Variants in FGFR1OP2 observed in about 807,000 individuals in gnomAD.
The protein encoded by FGFR1OP2 is FGFR1 oncogene partner 2, also known as fibroblast growth factor receptor 1 oncogene partner 2.
Under a neutral mutation model 35.2 loss-of-function variants are expected in FGFR1OP2, and 17 were observed. The observed-to-expected ratio is 0.48, with a 90% CI of 0.33 to 0.73. The LOEUF is 0.73. Ranked by LOEUF, FGFR1OP2 falls within the 30% of genes least tolerant of loss-of-function variation. The pLI, the probability that FGFR1OP2 is intolerant of heterozygous loss-of-function variation, is 0.02. For missense variants in FGFR1OP2, 251 were observed against 307.3 expected, an observed-to-expected ratio of 0.82 and a Z score of 1.37; for synonymous variants, 105 against 104.6, an observed-to-expected ratio of 1.00 and a Z score of -0.03.
At chr12:26,963,552 G>A in intron 6 of FGFR1OP2, 97 bp downstream of exon 6, 2 of 758,750 alleles carry the variant, frequency 2.6e-6, no homozygotes, top group Non-Finnish European at 4.2e-6. Flanking sequence ...ACTCTTCTTG[G>A]GTACTGGTAA....
Position 26,956,595 on chromosome 12 carries a change from C to G in FGFR1OP2, c.188C>G (p.Ser63Cys), listed in dbSNP as rs1939024566. 1.9e-6 allele frequency: 3 copies of G among 1,605,184 alleles called. No individual in the cohort carries two copies. The highest frequency in any genetic ancestry group is 1.7e-5 in the Admixed American group (1 of 58,572). ...LNEVARHRPR[S>C]TLVMGIQQEN... is the part of the protein sequence containing the mutation. ...GAAGTCGCGAGACATCGGCCACGGT[C>G]CACGTTAGTTATGGGAATCCAGCAA... Residue 63 changes from serine (S) to cysteine (C), a missense_variant, in exon 3 of 7, where the codon TCC becomes TGC. Ser to Cys is a moderately radical substitution (Grantham distance 112). Coordinates refer to ENST00000229395, the MANE Select transcript of FGFR1OP2 (RefSeq NM_015633.3).
chr12:26,940,838 TTCG>T (rs1938723118), intron 1 of FGFR1OP2, among the ~76,000 whole-genome samples: 2 of 152,238 alleles, frequency 1.3e-5, no homozygotes, highest in African/African-American at 4.8e-5. Context: ...TGAAATTTTT[TTCG>T]TCTTTAATTT....
chr12:26,954,219 G>A lies in FGFR1OP2; in HGVS notation c.61G>A (p.Asp21Asn), dbSNP rs1283882418. Reference sequence around the variant, plus strand: ...TAAAGCTCTTGTTGAAAGATTAAGAGATCATGACGATGCAGCAGAATCTCT... The same window carrying A: ...TAAAGCTCTTGTTGAAAGATTAAGAAATCATGACGATGCAGCAGAATCTCT... ...DAKALVERLR[D>N]HDDAAESLIE... The change falls in exon 2 of 7, where the codon GAT (aspartate) becomes AAT (asparagine). Residue 21 changes from aspartate to asparagine, a missense_variant. Physicochemically the swap from Asp to Asn is conservative, Grantham distance 23. Coordinates refer to ENST00000229395, the MANE Select transcript of FGFR1OP2 (RefSeq NM_015633.3). 1 of 1,612,500 alleles carries A rather than the reference G, an allele frequency of 6.2e-7. No homozygotes were observed. Among genetic ancestry groups the A allele is most frequent in the East Asian group, 2.2e-5 (1 of 44,850 alleles).
chr12:26,964,422 G>T (rs368724524), intron 6 of FGFR1OP2, among the ~76,000 whole-genome samples, 174 bp from the exon 7 acceptor site: 1 of 152,126 alleles, frequency 6.6e-6, no homozygotes, highest in Admixed American at 6.6e-5. Flanking sequence ...AGCTGCATAA[G>T]TGTTCTTTAG....
chr12:26,965,457 A>G lies in FGFR1OP2; in HGVS notation c.*724A>G, dbSNP rs1939161752. 3 of 152,690 alleles carry G rather than the reference A, an allele frequency of 2.0e-5. No individual in the cohort carries two copies. The highest frequency in any genetic ancestry group is 1.5e-5 in the Non-Finnish European group (1 of 67,962). The allele number at this position is 152,690 out of a possible 1,614,324, so 9.5% of individuals were successfully genotyped here. A position where few individuals can be genotyped will look rare whatever the true frequency, so the allele number is the denominator to read the frequency against. On this transcript the variant is annotated 3_prime_UTR_variant, in exon 7 of 7. Coordinates refer to ENST00000229395, the MANE Select transcript of FGFR1OP2 (RefSeq NM_015633.3). ...TAGGTTAAACTACTCCTTTGAAAGA[A>G]TAAGTTTTGGTTCAAAGTCAATAAT...
intron 1 of FGFR1OP2, among the ~76,000 whole-genome samples, chr12:26,943,830 A>G (rs1019532010): frequency 6.6e-6 from 1 of 152,182 alleles, no homozygotes; most frequent in African/African-American, 2.4e-5. Context: ...TCTGTCTCAA[A>G]AAAAAGAAAA....
intron 1 of FGFR1OP2, among the ~76,000 whole-genome samples, chr12:26,952,982 G>T (rs899351692): frequency 1.3e-5 from 2 of 152,098 alleles, no homozygotes; most frequent in Non-Finnish European, 1.5e-5. Context: ...AAAGATTTCA[G>T]CTGGGCACGG....
intron 1 of FGFR1OP2, among the ~76,000 whole-genome samples, chr12:26,950,213 GTTTTTTT>G (rs1174799685): frequency 7.5e-4 from 38 of 50,948 alleles, no homozygotes; most frequent in African/African-American, 2.4e-3. Context: ...TGTATTCGTT[GTTTTTTT>G]TTTTTTTTTT....
intron 1 of FGFR1OP2, among the ~76,000 whole-genome samples, chr12:26,951,025 C>G (rs1187032662): frequency 1.3e-5 from 2 of 152,122 alleles, no homozygotes; most frequent in African/African-American, 4.8e-5. Context: ...ATTTACTATG[C>G]ATGGTAACAT....
intron 1 of FGFR1OP2, among the ~76,000 whole-genome samples, chr12:26,952,562 T>G (rs146464168): frequency 1.3e-5 from 2 of 152,332 alleles, no homozygotes; most frequent in Non-Finnish European, 2.9e-5. Flanking sequence ...TATTGGACAT[T>G]TTCTAAATTG....
At chr12:26,940,485 C>T (rs1938717445) in intron 1 of FGFR1OP2, among the ~76,000 whole-genome samples, 2 of 152,096 alleles carry the variant, frequency 1.3e-5, no homozygotes, top group African/African-American at 4.8e-5. Context: ...AATTTATATG[C>T]GTTCTTTCTT....
intron 6 of FGFR1OP2, among the ~76,000 whole-genome samples, chr12:26,964,042 A>T (rs1939139592): frequency 6.6e-6 from 1 of 152,134 alleles, no homozygotes; most frequent in Non-Finnish European, 1.5e-5. Context: ...AATGTCTACA[A>T]ATTTTTTTAC....
chr12:26,952,816 G>A (rs1454933065), intron 1 of FGFR1OP2, among the ~76,000 whole-genome samples: 1 of 111,554 alleles, frequency 9.0e-6, no homozygotes, highest in Non-Finnish European at 2.0e-5. Context: ...GAAAGTCTTT[G>A]TTTATAACCC....
Position 26,954,136 on chromosome 12 carries a change from T to A in FGFR1OP2, c.-14-9T>A. The A allele has an allele frequency of 1.9e-6, 3 of 1,540,652 alleles. No homozygotes were observed. Among genetic ancestry groups the A allele is most frequent in the Non-Finnish European group, 2.6e-6 (3 of 1,142,048 alleles). On this transcript the variant is annotated splice_polypyrimidine_tract_variant and intron_variant, in intron 1 of 6. Transcript: ENST00000229395. Reference sequence around the variant, plus strand: ...TTATTTTGAGTCTTGATTTTAATTTTAATTATAGATATATCTTTAGAAATG... The same window carrying A: ...TTATTTTGAGTCTTGATTTTAATTTAAATTATAGATATATCTTTAGAAATG...
intron 1 of FGFR1OP2, chr12:26,953,409 C>T (rs1938968763): frequency 6.6e-6 from 1 of 151,880 alleles, no homozygotes; most frequent in African/African-American, 2.4e-5. Context: ...GTTGAAGAAG[C>T]TGACAATTGA....
chr12:26,939,576 C>T (rs1938681356), intron 1 of FGFR1OP2, among the ~76,000 whole-genome samples: 1 of 152,180 alleles, frequency 6.6e-6, no homozygotes, highest in African/African-American at 2.4e-5. Context: ...TTTACTGTTC[C>T]TCTATTTTAC....
chr12:26,944,018 G>A (rs1173063413), intron 1 of FGFR1OP2, among the ~76,000 whole-genome samples: 1 of 151,526 alleles, frequency 6.6e-6, no homozygotes, highest in Admixed American at 6.6e-5. Flanking sequence ...TTTTTTTGTT[G>A]TTGTTGTTTT....
intron 2 of FGFR1OP2, among the ~76,000 whole-genome samples, chr12:26,954,928 CATT>C (rs1265636098): frequency 1.1e-4 from 17 of 152,140 alleles, no homozygotes; most frequent in Admixed American, 1.1e-3. Context: ...AAATCTCTGA[CATT>C]ATGATGGAAA....
intron 2 of FGFR1OP2, among the ~76,000 whole-genome samples, chr12:26,954,854 G>A (rs567219876): frequency 8.5e-5 from 13 of 152,094 alleles, no homozygotes; most frequent in East Asian, 3.9e-4. Flanking sequence ...CATGGGCCAC[G>A]GAGTTTAGAC....
Sources: gnomAD v4.1 joint callset for allele counts (sites outside exome capture counted in the v4.1 genomes callset) on GRCh38, gnomAD v4.1.1 for gene constraint, MANE v1.5 for transcripts, NCBI Gene and HGNC (gene_info 2026-07-23, HGNC 2026-07-21) for gene names.